Variants in SLC67A2 observed in about 807,000 individuals in gnomAD.
SLC67A2 encodes the protein solute carrier family 67 member 2.
chr2:102,722,819 A>G, the SLC67A2 span, among the ~76,000 whole-genome samples: 1 of 152,238 alleles, frequency 6.6e-6, no homozygotes, highest in Non-Finnish European at 1.5e-5. Flanking sequence ...AAATCAGCAA[A>G]GTGAAAAAGC....
At chr2:102,727,968 C>G in the SLC67A2 span, among the ~76,000 whole-genome samples, 33 of 152,112 alleles carry the variant, frequency 2.2e-4, no homozygotes, top group Non-Finnish European at 4.0e-4. Context: ...GGCAGCATTT[C>G]TGTCCCCTTA....
the SLC67A2 span, among the ~76,000 whole-genome samples, chr2:102,720,250 T>C: frequency 2.0e-5 from 3 of 152,220 alleles, no homozygotes; most frequent in Admixed American, 6.5e-5. Context: ...GCTTCAGCCA[T>C]AGACAAATTT....
the SLC67A2 span, among the ~76,000 whole-genome samples, chr2:102,719,775 T>G: frequency 6.6e-6 from 1 of 152,202 alleles, no homozygotes; most frequent in Non-Finnish European, 1.5e-5. Context: ...CTGGGGCAAG[T>G]GCAGGCTGCC....
the SLC67A2 span, chr2:102,731,010 G>A: frequency 1.9e-6 from 3 of 1,612,168 alleles, no homozygotes; most frequent in Non-Finnish European, 2.5e-6. Context: ...GATGAGACAT[G>A]TGATCATAAC....
chr2:102,732,497 C>T, the SLC67A2 span: 1 of 1,098,254 alleles, frequency 9.1e-7, no homozygotes, highest in Non-Finnish European at 1.3e-6. Flanking sequence ...AAAATAAAAC[C>T]AATATCTAAA....
chr2:102,731,990 G>T, the SLC67A2 span: 1 of 426,688 alleles, frequency 2.3e-6, no homozygotes. Context: ...ATTAGGTTAA[G>T]GGTTCCTGTA....
chr2:102,717,759 T>C, the SLC67A2 span: 1 of 152,542 alleles, frequency 6.6e-6, no homozygotes, highest in Non-Finnish European at 1.5e-5. Context: ...CTCAGTGTGG[T>C]CTTTACTGCC....
the SLC67A2 span, among the ~76,000 whole-genome samples, chr2:102,715,196 T>C: frequency 2.4e-4 from 36 of 152,290 alleles, no homozygotes; most frequent in African/African-American, 8.7e-4. Flanking sequence ...AGAGAGCTCT[T>C]TCTAAAACAG....
the SLC67A2 span, chr2:102,727,059 G>C: frequency 1.4e-6 from 2 of 1,443,584 alleles, no homozygotes; most frequent in Non-Finnish European, 1.9e-6. Flanking sequence ...GTGACCAGGG[G>C]AAAACAATGG....
the SLC67A2 span, among the ~76,000 whole-genome samples, chr2:102,733,295 C>T: frequency 4.7e-3 from 708 of 152,226 alleles, 10 homozygotes; most frequent in African/African-American, 0.016. Flanking sequence ...TCATTATATT[C>T]GACCTGAATT....
chr2:102,719,652 A>T, the SLC67A2 span, among the ~76,000 whole-genome samples: 296 of 152,368 alleles, frequency 1.9e-3, 4 homozygotes, highest in Middle Eastern at 0.017. Flanking sequence ...TGCTAAACAT[A>T]GAAATATATT....
the SLC67A2 span, chr2:102,716,428 T>G: frequency 2.0e-5 from 3 of 152,308 alleles, no homozygotes; most frequent in Middle Eastern, 6.8e-3. Context: ...GAGATTTAAT[T>G]TGCTCCTTAA....
the SLC67A2 span, among the ~76,000 whole-genome samples, chr2:102,730,784 C>T: frequency 1.6e-3 from 250 of 152,270 alleles, 1 homozygote; most frequent in African/African-American, 5.5e-3. Context: ...CTCCTGACCT[C>T]GTGATCCACC....
the SLC67A2 span, among the ~76,000 whole-genome samples, chr2:102,728,900 G>C: frequency 3.3e-3 from 506 of 152,290 alleles, 6 homozygotes; most frequent in African/African-American, 0.012. Context: ...ACCACCCTTT[G>C]AGGCTGGTTA....
the SLC67A2 span, chr2:102,717,771 T>G: frequency 6.5e-6 from 1 of 152,674 alleles, no homozygotes; most frequent in Non-Finnish European, 1.5e-5. Context: ...TTTACTGCCA[T>G]GAGAAATCGC....
chr2:102,718,527 C>G, the SLC67A2 span: 2 of 1,613,308 alleles, frequency 1.2e-6, no homozygotes, highest in Admixed American at 1.7e-5. Context: ...CTGGGGGGGC[C>G]GCAAGGGCTG....
chr2:102,725,342 T>C, the SLC67A2 span, among the ~76,000 whole-genome samples: 7 of 152,210 alleles, frequency 4.6e-5, no homozygotes, highest in African/African-American at 1.7e-4. Context: ...TTTGTGAAGA[T>C]CATAGTGACG....
At chr2:102,735,748 C>T in the SLC67A2 span, among the ~76,000 whole-genome samples, 2 of 152,138 alleles carry the variant, frequency 1.3e-5, no homozygotes, top group African/African-American at 4.8e-5. Flanking sequence ...GCACCTGCCA[C>T]ATGGCAGGTG....
At chr2:102,725,351 C>T in the SLC67A2 span, among the ~76,000 whole-genome samples, 2 of 152,146 alleles carry the variant, frequency 1.3e-5, no homozygotes, top group African/African-American at 2.4e-5. Context: ...ATCATAGTGA[C>T]GGTTCATATA....
Sources: allele counts gnomAD v4.1 joint callset (sites outside exome capture counted in the v4.1 genomes callset), GRCh38; gene constraint gnomAD v4.1.1; transcripts MANE v1.5; gene names NCBI Gene and HGNC (gene_info 2026-07-23, HGNC 2026-07-21).